The following TGFBI variants were observed in gnomAD, a reference collection of about 807,000 sequenced individuals.
The protein encoded by TGFBI is transforming growth factor-beta-induced protein ig-h3.
TGFBI carries 50 observed loss-of-function variants against 73.7 expected under a neutral mutation model. The ratio of observed to expected loss-of-function variants is 0.68; its 90% CI spans 0.54 to 0.86. The LOEUF is 0.86. Ranked by LOEUF, TGFBI falls within the 40% of genes least tolerant of loss-of-function variation. The pLI is 0.00. For missense variants in TGFBI, 839 were observed against 877.0 expected, an observed-to-expected ratio of 0.96 and a Z score of 0.55; for synonymous variants, 362 against 360.5, an observed-to-expected ratio of 1.00 and a Z score of -0.05.
chr5:136,032,022 T>C (rs1421288660), intron 1 of TGFBI, among the ~76,000 whole-genome samples: 1 of 152,142 alleles, frequency 6.6e-6, no homozygotes, highest in African/African-American at 2.4e-5. Context: ...GTTTCCTGCT[T>C]GATCAGATTG....
chr5:136,031,036 TC>T (rs1751110863), intron 1 of TGFBI, among the ~76,000 whole-genome samples: 1 of 152,126 alleles, frequency 6.6e-6, no homozygotes, highest in African/African-American at 2.4e-5. Context: ...TAGATCAACT[TC>T]CCCACCATAC....
intron 8 of TGFBI, 67 bp from the exon 9 acceptor site, chr5:136,053,876 G>T (rs1751580871): frequency 6.2e-7 from 1 of 1,601,444 alleles, no homozygotes; most frequent in South Asian, 1.1e-5. Flanking sequence ...GTCATGCCCT[G>T]GGGTGGATGA....
At position 136,047,404 on chromosome 5, in the gene TGFBI, C is replaced by T; in HGVS notation, c.755C>T (p.Thr252Ile). 1 of 1,613,874 alleles carries T rather than the reference C, an allele frequency of 6.2e-7. No individual in the cohort carries two copies. The highest frequency in any genetic ancestry group is 1.1e-5 in the South Asian group (1 of 91,072). Residue 252 changes from threonine (T) to isoleucine (I), a missense_variant, in exon 6 of 17, where the codon ACC (threonine) becomes ATC (isoleucine). Thr to Ile is a moderately conservative substitution (Grantham distance 89). Transcript: ENST00000442011. ...NIQQIIEIEDTFETLRAAVAA... is the reference protein window; with the variant it reads ...NIQQIIEIEDIFETLRAAVAA... ...CAGCAGATCATTGAGATCGAGGACA[C>T]CTTTGAGACCCTTCGGGTAAGGGAC...
At chr5:136,057,281 G>C (rs1057057198) in intron 12 of TGFBI, among the ~76,000 whole-genome samples, 5 of 152,158 alleles carry the variant, frequency 3.3e-5, no homozygotes, top group African/African-American at 9.7e-5. Context: ...GGGTGGCTGC[G>C]ACCAGCCCAG....
intron 5 of TGFBI, 75 bp from the exon 6 acceptor site, chr5:136,047,197 ACT>A (rs1248297628): frequency 3.8e-6 from 6 of 1,583,122 alleles, no homozygotes; most frequent in Non-Finnish European, 5.2e-6. Context: ...GTTTGAAAAC[ACT>A]GTTTTCTCCT....
intron 2 of TGFBI, among the ~76,000 whole-genome samples, chr5:136,035,023 C>T (rs994983059): frequency 3.3e-5 from 5 of 152,186 alleles, no homozygotes; most frequent in Admixed American, 6.5e-5. Flanking sequence ...AATAAATATT[C>T]CAATGTGTGA....
chr5:136,047,244 A>G, intron 5 of TGFBI, 30 bp from the exon 6 acceptor site: 1 of 1,611,418 alleles, frequency 6.2e-7, no homozygotes. Context: ...TGTTGTGTTG[A>G]CTGCTCATCC....
At position 136,053,062 on chromosome 5, in the gene TGFBI, A is replaced by G; in HGVS notation, c.1069A>G (p.Ile357Val). The G allele has an allele frequency of 6.2e-7, 1 of 1,614,044 alleles. No individual in the cohort carries two copies. The highest frequency in any genetic ancestry group is 8.5e-7 in the Non-Finnish European group (1 of 1,179,898). Residue 357 changes from isoleucine to valine, a missense_variant, in exon 8 of 17, where the codon ATC becomes GTC. Physicochemically the swap from Ile to Val is conservative, Grantham distance 29. Transcript: ENST00000442011. ...NGKAIISNKD[I>V]LATNGVIHYI... ...GAAGGCGATCATCTCCAATAAAGACATCCTAGCCACCAACGGGGTGATCCA... is the reference window on the plus strand; with the variant it reads ...GAAGGCGATCATCTCCAATAAAGACGTCCTAGCCACCAACGGGGTGATCCA...
intron 10 of TGFBI, chr5:136,055,450 T>C: frequency 2.5e-6 from 1 of 399,938 alleles, no homozygotes; most frequent in Non-Finnish European, 4.4e-6. Context: ...TTATGGGACC[T>C]CTGTGTGACT....
At position 136,062,674 on chromosome 5, in the gene TGFBI, G is replaced by C. The variant is rs121909217; in HGVS notation, c.1998G>C (p.Arg666Ser). ...GTGTTTTCTTTCAGGCTTCCCAGAG[G>C]TCTGTGCGACTAGGTGAGTCTGGTC... ...QASAFSRASQ[R>S]SVRLAPVYQK... Residue 666 changes from arginine to serine, a missense_variant, in exon 16 of 17, where the codon AGG becomes AGC. Transcript: ENST00000442011. 2,172 of 1,567,842 alleles carry C rather than the reference G, an allele frequency of 1.4e-3. 3 individuals carry two copies. Among genetic ancestry groups the C allele is most frequent in the Non-Finnish European group, 1.7e-3 (1,931 of 1,154,590 alleles).
At position 136,054,099 on chromosome 5, in the gene TGFBI, C is replaced by T; in HGVS notation, c.1264+19C>T. 6 of 1,609,994 alleles carry T rather than the reference C, an allele frequency of 3.7e-6. No individual in the cohort carries two copies. The highest frequency in any genetic ancestry group is 5.1e-6 in the Non-Finnish European group (6 of 1,176,646). ...TTCAAAGGTAACATGGGGAAGGCATCCCTGTTAGATTGTCCCTGGAGGCAG... is the reference window on the plus strand; with the variant it reads ...TTCAAAGGTAACATGGGGAAGGCATTCCTGTTAGATTGTCCCTGGAGGCAG... On this transcript the variant is annotated intron_variant, in intron 9 of 16. Transcript: ENST00000442011.
chr5:136,030,844 C>T (rs1260979190), intron 1 of TGFBI, among the ~76,000 whole-genome samples: 1 of 152,166 alleles, frequency 6.6e-6, no homozygotes, highest in Non-Finnish European at 1.5e-5. Context: ...AACAGTGTCA[C>T]CTGTAAGGGC....
At position 136,056,808 on chromosome 5, in the gene TGFBI, T is replaced by C; in HGVS notation, c.1678+13T>C. The C allele has an allele frequency of 1.2e-6, 2 of 1,607,874 alleles. No homozygotes were observed. Among genetic ancestry groups the C allele is most frequent in the African/African-American group, 1.3e-5 (1 of 74,738 alleles). On this transcript the variant is annotated intron_variant, in intron 12 of 16. Transcript: ENST00000442011. Reference sequence around the variant, plus strand: ...AGCAGACTCTTGGGTAAAGACCAACTTAAGTACACGTCTCCATTTTTCTAA... The same window carrying C: ...AGCAGACTCTTGGGTAAAGACCAACCTAAGTACACGTCTCCATTTTTCTAA...
intron 4 of TGFBI, 51 bp downstream of exon 4, chr5:136,046,546 T>A: frequency 2.0e-6 from 3 of 1,533,084 alleles, no homozygotes; most frequent in Non-Finnish European, 2.6e-6. Flanking sequence ...ACTGCCTTAC[T>A]TCCCCGAGGG....
At chr5:136,055,855 G>A (rs1231832159) in intron 11 of TGFBI, 39 bp downstream of exon 11, 2 of 1,561,162 alleles carry the variant, frequency 1.3e-6, no homozygotes, top group Non-Finnish European at 1.7e-6. Context: ...TCTGCCCAGT[G>A]GTCATGCTGG....
intron 7 of TGFBI, among the ~76,000 whole-genome samples, chr5:136,050,153 C>T (rs764026803): frequency 6.6e-5 from 10 of 151,904 alleles, no homozygotes; most frequent in Admixed American, 3.3e-4. Flanking sequence ...GCCAACATGG[C>T]GAAACCCCAT....
In TGFBI at chr5:136,056,923, A is replaced by G; in HGVS notation, c.1678+128A>G. The stretch of plus-strand genomic sequence containing the variant: ...TTTATGACAAGACTATTAGTGAAAG[A>G]GTGGGCGGGACTAAAGGAACTAGCA... On this transcript the variant is annotated intron_variant, in intron 12 of 16. Coordinates refer to ENST00000442011, the MANE Select transcript of TGFBI (RefSeq NM_000358.3). The G allele has an allele frequency of 5.6e-6, 7 of 1,255,650 alleles. No homozygotes were observed. The Middle Eastern group carries it at 9.0e-4, about 162-fold the overall frequency. 77.8% of individuals were successfully genotyped at this position (1,255,650 alleles called of 1,614,324 possible).
intron 4 of TGFBI, 158 bp from the exon 5 acceptor site, chr5:136,046,693 C>T: frequency 8.1e-7 from 1 of 1,228,288 alleles, no homozygotes; most frequent in Non-Finnish European, 1.1e-6. Context: ...CCGTTCCCTA[C>T]TGGGCAGAAA....
intron 2 of TGFBI, among the ~76,000 whole-genome samples, chr5:136,037,090 TC>T (rs1751239261): frequency 6.6e-6 from 1 of 152,258 alleles, no homozygotes; most frequent in African/African-American, 2.4e-5. Flanking sequence ...CAGGTGAAGC[TC>T]TGTTGCCTGC....
Sources: allele counts gnomAD v4.1 joint callset (sites outside exome capture counted in the v4.1 genomes callset), GRCh38; gene constraint gnomAD v4.1.1; transcripts MANE v1.5; gene names NCBI Gene and HGNC (gene_info 2026-07-23, HGNC 2026-07-21).